Variants in ANTXRL observed in about 807,000 individuals in gnomAD.
The protein encoded by ANTXRL is ANTXR like, also known as anthrax toxin receptor-like.
Under a neutral mutation model 75.4 loss-of-function variants are expected in ANTXRL, and 63 were observed. The ratio of observed to expected loss-of-function variants is 0.84; its 90% CI spans 0.68 to 1.03. The LOEUF (loss-of-function observed/expected upper bound fraction) is 1.03, where lower values mean the gene tolerates loss of function less well. Among genes scored for constraint, ANTXRL ranks in the 50% least tolerant of loss-of-function variants. The pLI, the probability that ANTXRL is intolerant of heterozygous loss-of-function variation, is 0.00. For missense variants in ANTXRL, 797 were observed against 789.4 expected, an observed-to-expected ratio of 1.01 and a Z score of -0.12; for synonymous variants, 335 against 291.3, an observed-to-expected ratio of 1.15 and a Z score of -1.53.
chr10:46,298,346 A>G (rs1176548656), intron 9 of ANTXRL, among the ~76,000 whole-genome samples: 8 of 149,842 alleles, frequency 5.3e-5, no homozygotes, highest in African/African-American at 2.0e-4. Context: ...GTGCTGTGGA[A>G]ATGTGTGTGA....
intron 9 of ANTXRL, among the ~76,000 whole-genome samples, chr10:46,299,556 T>A (rs1443108864): frequency 2.6e-5 from 4 of 152,054 alleles, no homozygotes; most frequent in African/African-American, 9.7e-5. Context: ...GAGAGGACAT[T>A]ACTAGGCCCT....
chr10:46,324,612 G>C (rs1007149721), intron 16 of ANTXRL, among the ~76,000 whole-genome samples: 12 of 152,086 alleles, frequency 7.9e-5, no homozygotes, highest in Non-Finnish European at 1.6e-4. Flanking sequence ...GCGTATATTG[G>C]AGTAATTTAG....
chr10:46,306,039 C>T (rs1161589907), intron 10 of ANTXRL, among the ~76,000 whole-genome samples: 1 of 152,140 alleles, frequency 6.6e-6, no homozygotes, highest in Admixed American at 6.5e-5. Context: ...TTCCAGGGCC[C>T]ACAAGGCCCT....
chr10:46,311,803 T>C (rs1160417134), intron 15 of ANTXRL, 138 bp downstream of exon 15: 301 of 554,014 alleles, frequency 5.4e-4, no homozygotes, highest in Non-Finnish European at 8.5e-4. Flanking sequence ...ACACTTGATG[T>C]CAAGAGCAAC....
At chr10:46,297,689 C>T in intron 7 of ANTXRL, 142 bp from the exon 8 acceptor site, 1 of 883,922 alleles carries the variant, frequency 1.1e-6, no homozygotes, top group Non-Finnish European at 1.8e-6. Context: ...GAGTGGGCTG[C>T]TGGCTGGAGA....
At chr10:46,311,006 G>A (rs1350663166) in intron 14 of ANTXRL, among the ~76,000 whole-genome samples, 3 of 152,078 alleles carry the variant, frequency 2.0e-5, no homozygotes, top group African/African-American at 4.8e-5. Flanking sequence ...AGCTGGGAAG[G>A]ACACCAGCCC....
In ANTXRL at chr10:46,304,065, G is replaced by GCCC. The variant is rs1837919901; in HGVS notation, c.895+1245_895+1246insCCC. Among the ~76,000 whole-genome samples, 11 of 152,254 alleles carry GCCC rather than the reference G, an allele frequency of 7.2e-5. 1 individual carries two copies. In the South Asian group the frequency reaches 2.3e-3, roughly 32 times the overall value. On this transcript the variant is annotated intron_variant, in intron 10 of 16. Transcript: ENST00000620264. Reference sequence around the variant, plus strand: ...CCCCACATTCCCACTCATCAGCATTGTGTGGATGGTCTCAGGGAATTCAGT... The same window carrying GCCC: ...CCCCACATTCCCACTCATCAGCATTGCCCTGTGGATGGTCTCAGGGAATTCAGT...
rs1277652982 is a variant in ANTXRL, at chr10:46,296,261, C to T, written c.508+9C>T. On this transcript the variant is annotated intron_variant, in intron 5 of 16. Coordinates refer to ENST00000620264, the MANE Select transcript of ANTXRL (RefSeq NM_001278688.3). ...AAGTTTCAACTCCGGAAGTAAGCAC[C>T]TGCCGTCCCCCTGGTGGTCCTGTAG... 4.6e-6 allele frequency: 7 copies of T among 1,535,632 alleles called. No individual in the cohort carries two copies. The Admixed American group carries it at 9.8e-5, about 22-fold the overall frequency.
At chr10:46,309,087 C>G in intron 12 of ANTXRL, 26 bp from the exon 13 acceptor site, 1 of 1,535,536 alleles carries the variant, frequency 6.5e-7, no homozygotes, top group Non-Finnish European at 8.7e-7. Flanking sequence ...CCGAGGCCCT[C>G]CTATGGTGCT....
chr10:46,302,967 A>G (rs1837845755), intron 10 of ANTXRL, 147 bp downstream of exon 10: 3 of 660,032 alleles, frequency 4.5e-6, no homozygotes, highest in Non-Finnish European at 5.2e-6. Context: ...GGAAGGAGGC[A>G]CTGGGAAGGC....
At chr10:46,293,676 TCA>T (rs1345280046) in intron 2 of ANTXRL, among the ~76,000 whole-genome samples, 151 bp from the exon 3 acceptor site, 1 of 151,990 alleles carries the variant, frequency 6.6e-6, no homozygotes, top group African/African-American at 2.4e-5. Context: ...TCCACAGGCC[TCA>T]GAGTCCTTCA....
Position 46,307,586 on chromosome 10 carries a change from A to G in ANTXRL, c.1044+106A>G, listed in dbSNP as rs1250488647. ...CCGTTCCCAGGCAGTCCCAGAAAGTAGCGTGTGCAGCAGGCACCTGAGGCT... is the reference window on the plus strand; with the variant it reads ...CCGTTCCCAGGCAGTCCCAGAAAGTGGCGTGTGCAGCAGGCACCTGAGGCT... On this transcript the variant is annotated intron_variant, in intron 12 of 16. Coordinates refer to ENST00000620264, the MANE Select transcript of ANTXRL (RefSeq NM_001278688.3). The G allele has an allele frequency of 1.5e-5, 17 of 1,104,568 alleles. No individual in the cohort carries two copies. In the African/African-American group the frequency reaches 2.3e-4, roughly 15 times the overall value. The allele number at this position is 1,104,568 out of a possible 1,614,324, so 68.4% of individuals were successfully genotyped here.
chr10:46,309,131 C>T lies in ANTXRL; in HGVS notation c.1063C>T (p.Leu355Phe), dbSNP rs559800687. 2 of 1,535,814 alleles carry T rather than the reference C, an allele frequency of 1.3e-6. No homozygotes were observed. Among genetic ancestry groups the T allele is most frequent in the South Asian group, 1.2e-5 (1 of 84,052 alleles). The change falls in exon 13 of 17, where the codon CTC (leucine) becomes TTC (phenylalanine). Residue 355 changes from leucine (L) to phenylalanine (F), a missense_variant. By Grantham distance (22) the Leu-to-Phe change is conservative. Around this residue, in one of 3 missense-constraint regions of ANTXRL, gnomAD observed 479 missense variants for 422.0 expected, o/e 1.14. Transcript: ENST00000620264. ...STTCGIFRNW[L>F]YFVPLLLLVP... ...CCACCAGGGCATTTTCCGCAACTGGCTCTATTTTGTGCCACTCCTGCTGCT... is the reference window on the plus strand; with the variant it reads ...CCACCAGGGCATTTTCCGCAACTGGTTCTATTTTGTGCCACTCCTGCTGCT...
Position 46,287,322 on chromosome 10 carries a change from T to G in ANTXRL, c.60T>G (p.Leu20=), listed in dbSNP as rs1836804328. 6.5e-7 allele frequency: 1 copy of G among 1,535,800 alleles called. No individual in the cohort carries two copies. Among genetic ancestry groups the G allele is most frequent in the Non-Finnish European group, 8.7e-7 (1 of 1,146,734 alleles). The change falls in exon 1 of 17, where the codon CTT becomes CTG. Residue 20 remains leucine, a synonymous_variant. Coordinates refer to ENST00000620264, the MANE Select transcript of ANTXRL (RefSeq NM_001278688.3). ...TGGTCTTCCTGCTGCTGCTGCTGCT[T>G]CCTCCACCGCTTTTTAGAGCAGGAA... is the stretch of plus-strand genomic sequence containing the variant. ...YFLVFLLLLL[L]PPPLFRAGSL...
chr10:46,323,434 G>T (rs782094738), intron 16 of ANTXRL, among the ~76,000 whole-genome samples: 2 of 152,174 alleles, frequency 1.3e-5, no homozygotes, highest in Non-Finnish European at 2.9e-5. Flanking sequence ...GTAGGTTGCA[G>T]CATTTTAGAT....
intron 1 of ANTXRL, among the ~76,000 whole-genome samples, chr10:46,290,236 G>T (rs1836928809): frequency 6.6e-6 from 1 of 151,882 alleles, no homozygotes; most frequent in Admixed American, 6.6e-5. Context: ...TACATACAGG[G>T]TTTCACCATA....
rs536384516 is a variant in ANTXRL, at chr10:46,329,824, C to G, written c.1636C>G (p.Arg546Gly). Residue 546 changes from arginine to glycine, a missense_variant, in exon 17 of 17, where the codon CGC becomes GGC. Physicochemically the swap from Arg to Gly is moderately radical, Grantham distance 125. Transcript: ENST00000620264. ...HSQHSRECLA[R>G]KQAPCSPRIC... ...CCAACACAGCAGGGAGTGCCTTGCC[C>G]GCAAACAGGCTCCCTGCAGCCCAAG... 3 of 1,534,086 alleles carry G rather than the reference C, an allele frequency of 2.0e-6. No homozygotes were observed. The highest frequency in any genetic ancestry group is 1.4e-5 in the African/African-American group (1 of 72,678).
chr10:46,322,691 A>G lies in ANTXRL; in HGVS notation c.1411-6908A>G, dbSNP rs1289669421. Among the ~76,000 whole-genome samples the G allele has an allele frequency of 3.9e-5, 6 of 152,168 alleles. No individual in the cohort carries two copies. In the East Asian group the frequency reaches 1.2e-3, roughly 29 times the overall value. ...AAGCTTCAAAGACTCAGGAAGGGCC[A>G]GGCAGCCATCTGAGCCCTCTGTGAG... On this transcript the variant is annotated intron_variant, in intron 16 of 16. Coordinates refer to ENST00000620264, the MANE Select transcript of ANTXRL (RefSeq NM_001278688.3).
intron 12 of ANTXRL, chr10:46,308,527 A>G (rs1554962573): frequency 2.3e-6 from 1 of 439,772 alleles, no homozygotes; most frequent in African/African-American, 2.0e-5. Context: ...ATGCCGCCCA[A>G]GATTCCTTTA....
Sources: allele counts gnomAD v4.1 joint callset (sites outside exome capture counted in the v4.1 genomes callset), GRCh38; gene constraint gnomAD v4.1.1; regional missense constraint gnomAD v4.1.1; transcripts MANE v1.5; gene names NCBI Gene and HGNC (gene_info 2026-07-23, HGNC 2026-07-21).